Variants in RPH3A observed in about 807,000 individuals in gnomAD.
The protein encoded by RPH3A is rabphilin 3A, also known as rabphilin-3A.
Under a neutral mutation model 102.2 loss-of-function variants are expected in RPH3A, and 48 were observed. That is an observed-to-expected ratio of 0.47 (90% CI 0.37 to 0.60). RPH3A has a LOEUF of 0.60. RPH3A is among the 20% of genes least tolerant of loss of function. The pLI is 0.00. For synonymous variants in RPH3A, 310 were observed against 324.3 expected (o/e 0.96, Z 0.47); for missense variants, 781 against 910.1 (o/e 0.86, Z 1.83).
At chr12:112,608,243 G>C (rs942463412) in intron 1 of RPH3A, among the ~76,000 whole-genome samples, 8 of 151,838 alleles carry the variant, frequency 5.3e-5, no homozygotes, top group Non-Finnish European at 1.2e-4. Flanking sequence ...AGCCTCCCGA[G>C]TAGCTGGGAT....
chr12:112,680,038 T>A lies in RPH3A; in HGVS notation c.-140+104719T>A, dbSNP rs116051346. ...CTTGGGAAGAGCAGAGGGAAGTATG[T>A]TCCAGGCAGGGGCACAGCATGTGCA... On this transcript the variant is annotated intron_variant, in intron 1 of 21. Transcript: ENST00000543106. 6.0e-3 allele frequency among the ~76,000 whole-genome samples: 918 copies of A among 152,268 alleles called. 10 individuals are homozygous for A. The highest frequency in any genetic ancestry group is 0.021 in the African/African-American group (883 of 41,546).
In RPH3A at chr12:112,791,895, A is replaced by AGAGAGAGAGAGG. The variant is rs1565882420; in HGVS notation, c.-247_-246insGGGAGAGAGAGA. On this transcript the variant is annotated 5_prime_UTR_variant, in exon 1 of 22. Coordinates refer to ENST00000389385, the MANE Select transcript of RPH3A (RefSeq NM_001143854.2). Reference sequence around the variant, plus strand: ...GAGAGAGAGAGAGAGAGAGAGAGAGAGAGAGAGAGACTCACAGAGCTAAAA... The same window carrying AGAGAGAGAGAGG: ...GAGAGAGAGAGAGAGAGAGAGAGAGAGAGAGAGAGAGGGAGAGAGAGACTCACAGAGCTAAAA... 6.6e-6 allele frequency: 1 copy of AGAGAGAGAGAGG among 150,702 alleles called. No individual in the cohort carries two copies. The highest frequency in any genetic ancestry group is 2.5e-5 in the African/African-American group (1 of 40,568). 9.3% of individuals were successfully genotyped at this position (150,702 alleles called of 1,614,324 possible). A position where few individuals can be genotyped will look rare whatever the true frequency, so the allele number is the denominator to read the frequency against.
At chr12:112,651,611 C>A (rs2039975583) in intron 1 of RPH3A, among the ~76,000 whole-genome samples, 2 of 152,182 alleles carry the variant, frequency 1.3e-5, no homozygotes, top group African/African-American at 4.8e-5. Context: ...ACTTACCATT[C>A]TCACCATTTT....
intron 1 of RPH3A, among the ~76,000 whole-genome samples, chr12:112,582,452 T>A (rs963283190): frequency 6.9e-6 from 1 of 145,706 alleles, no homozygotes. Context: ...CCTTGAAAAA[T>A]ATATATTTTT....
At chr12:112,601,532 A>C (rs2039559495) in intron 1 of RPH3A, among the ~76,000 whole-genome samples, 1 of 152,208 alleles carries the variant, frequency 6.6e-6, no homozygotes, top group African/African-American at 2.4e-5. Flanking sequence ...GTGCCAAGAA[A>C]ATAAAATCAA....
At chr12:112,653,613 C>T (rs988802816) in intron 1 of RPH3A, among the ~76,000 whole-genome samples, 1 of 151,940 alleles carries the variant, frequency 6.6e-6, no homozygotes, top group African/African-American at 2.4e-5. Flanking sequence ...CTTATTATAA[C>T]CTTTTTACTT....
intron 1 of RPH3A, among the ~76,000 whole-genome samples, chr12:112,619,189 A>G (rs1387551942): frequency 7.2e-5 from 11 of 151,744 alleles, no homozygotes; most frequent in Non-Finnish European, 1.3e-4. Context: ...TTGTGTAGAC[A>G]TATGTTTTCA....
In RPH3A at chr12:112,887,780, C is replaced by G. The variant is rs768725358; in HGVS notation, c.1437-17C>G. ...TTTGTTCCTGTTTCTCTCTCTACCC[C>G]CTTGTGTTGGTGGCAGGATCTCCGT... is the stretch of plus-strand genomic sequence containing the variant. On this transcript the variant is annotated splice_polypyrimidine_tract_variant and intron_variant, in intron 16 of 21. Coordinates refer to ENST00000389385, the MANE Select transcript of RPH3A (RefSeq NM_001143854.2). 1.9e-6 allele frequency: 3 copies of G among 1,612,266 alleles called. No homozygotes were observed. Among genetic ancestry groups the G allele is most frequent in the African/African-American group, 2.7e-5 (2 of 74,892 alleles).
intron 10 of RPH3A, chr12:112,874,661 A>T (rs773323533): frequency 2.5e-5 from 4 of 158,060 alleles, no homozygotes; most frequent in African/African-American, 9.6e-5. Flanking sequence ...TAATAAAATA[A>T]TCTCACCACC....
chr12:112,754,521 C>T (rs962397290), intron 1 of RPH3A, among the ~76,000 whole-genome samples: 7 of 152,164 alleles, frequency 4.6e-5, no homozygotes, highest in East Asian at 3.9e-4. Flanking sequence ...GGTAGAAATT[C>T]GGTTCAAGGA....
At chr12:112,769,066 T>C (rs1254286923) in intron 1 of RPH3A, among the ~76,000 whole-genome samples, 2 of 152,250 alleles carry the variant, frequency 1.3e-5, no homozygotes, top group African/African-American at 2.4e-5. Flanking sequence ...CTGTATCTTG[T>C]TCATGACTGT....
intron 1 of RPH3A, among the ~76,000 whole-genome samples, chr12:112,772,120 T>A (rs566847377): frequency 6.6e-6 from 1 of 152,314 alleles, no homozygotes; most frequent in East Asian, 1.9e-4. Flanking sequence ...TTAAGCCCTC[T>A]CTTACTTGCC....
intron 1 of RPH3A, among the ~76,000 whole-genome samples, chr12:112,738,492 C>A (rs984543561): frequency 2.0e-5 from 3 of 152,080 alleles, no homozygotes; most frequent in African/African-American, 7.2e-5. Flanking sequence ...ATGCATTTTG[C>A]AGGGGGTACT....
At chr12:112,651,174 AC>A (rs769841987) in intron 1 of RPH3A, among the ~76,000 whole-genome samples, 1 of 152,020 alleles carries the variant, frequency 6.6e-6, no homozygotes, top group Non-Finnish European at 1.5e-5. Flanking sequence ...AGCCTGGGCA[AC>A]ATGGCGAAAC....
intron 1 of RPH3A, among the ~76,000 whole-genome samples, chr12:112,761,860 A>G (rs902686931): frequency 3.3e-5 from 5 of 152,184 alleles, no homozygotes; most frequent in African/African-American, 1.2e-4. Flanking sequence ...TTTTCTGTTT[A>G]CTTTTCTCAT....
chr12:112,785,306 G>T (rs1440915663), intron 1 of RPH3A, among the ~76,000 whole-genome samples: 1 of 151,992 alleles, frequency 6.6e-6, no homozygotes, highest in East Asian at 1.9e-4. Flanking sequence ...CCAGAGGAAT[G>T]ATTTCAGGAC....
intron 1 of RPH3A, among the ~76,000 whole-genome samples, chr12:112,729,197 G>A (rs897049978): frequency 1.3e-5 from 2 of 151,566 alleles, no homozygotes; most frequent in Admixed American, 6.6e-5. Context: ...GGAGTGTGGT[G>A]ACACAATCAT....
chr12:112,885,087 A>G (rs2042983265), intron 16 of RPH3A, among the ~76,000 whole-genome samples: 1 of 152,222 alleles, frequency 6.6e-6, no homozygotes, highest in Non-Finnish European at 1.5e-5. Flanking sequence ...CAGGAATATA[A>G]TGCAGTTTTA....
chr12:112,592,022 A>C (rs924794815), intron 1 of RPH3A, among the ~76,000 whole-genome samples: 1 of 152,158 alleles, frequency 6.6e-6, no homozygotes, highest in Non-Finnish European at 1.5e-5. Context: ...TGCATACTTT[A>C]AATCACTTCG....
Sources: gnomAD v4.1 joint callset for allele counts (sites outside exome capture counted in the v4.1 genomes callset) on GRCh38, gnomAD v4.1.1 for gene constraint, MANE v1.5 for transcripts, NCBI Gene and HGNC (gene_info 2026-07-23, HGNC 2026-07-21) for gene names.